RSRC1: variants seen among roughly 807,000 people sequenced by gnomAD.
RSRC1 encodes serine/Arginine-related protein 53.
RSRC1 carries 39 observed loss-of-function variants against 49.1 expected under a neutral mutation model. The observed-to-expected ratio is 0.79, with a 90% CI of 0.61 to 1.04. The LOEUF is 1.04. Ranked by LOEUF, RSRC1 falls within the 50% of genes least tolerant of loss-of-function variation. RSRC1 has a pLI of 0.00. For missense variants in RSRC1, 388 were observed against 402.4 expected (o/e 0.96, Z 0.31); for synonymous variants, 143 against 130.8 (o/e 1.09, Z -0.63).
intron 7 of RSRC1, among the ~76,000 whole-genome samples, chr3:158,510,149 T>C (rs760710311): frequency 5.3e-5 from 8 of 152,222 alleles, no homozygotes; most frequent in Non-Finnish European, 7.3e-5. Context: ...CATAGTGTGA[T>C]GACTATAAAA....
chr3:158,223,355 T>A (rs1379822796), intron 4 of RSRC1, among the ~76,000 whole-genome samples: 3 of 151,840 alleles, frequency 2.0e-5, no homozygotes, highest in African/African-American at 7.2e-5. Flanking sequence ...AGGGCCAGAT[T>A]GTAAATATTT....
At chr3:158,357,698 A>G (rs772778065) in intron 6 of RSRC1, among the ~76,000 whole-genome samples, 1 of 152,202 alleles carries the variant, frequency 6.6e-6, no homozygotes, top group Non-Finnish European at 1.5e-5. Flanking sequence ...TAAGTTTTGC[A>G]GTCCAGCCTA....
chr3:158,252,613 TG>T (rs1200779139), intron 4 of RSRC1, among the ~76,000 whole-genome samples: 2 of 152,234 alleles, frequency 1.3e-5, no homozygotes, highest in African/African-American at 2.4e-5. Context: ...AAAATGGGTT[TG>T]GAAGTATTCC....
intron 4 of RSRC1, among the ~76,000 whole-genome samples, chr3:158,236,415 T>G (rs1442248476): frequency 6.6e-6 from 1 of 152,212 alleles, no homozygotes; most frequent in Non-Finnish European, 1.5e-5. Flanking sequence ...CATTCATTCG[T>G]GTAACCCACA....
intron 3 of RSRC1, among the ~76,000 whole-genome samples, chr3:158,183,607 T>C (rs1001761903): frequency 6.6e-6 from 1 of 152,158 alleles, no homozygotes; most frequent in Non-Finnish European, 1.5e-5. Flanking sequence ...ATTTGTAAGT[T>C]TGAATATGAG....
rs1312675493 is a variant in RSRC1 at position 158,130,191 on chromosome 3, T to C, written c.320+6200T>C. Among the ~76,000 whole-genome samples, 3 of 152,124 alleles carry C rather than the reference T, an allele frequency of 2.0e-5. No homozygotes were observed. The East Asian group carries it at 5.8e-4, about 29-fold the overall frequency. On this transcript the variant is annotated intron_variant, in intron 3 of 9. Transcript: ENST00000611884. ...CATAGAGAGGAAGCAAATTCTCTCT[T>C]GTCTCTTCTTAGAAGGCCATGAATC...
At chr3:158,446,203 C>G (rs1333239067) in intron 6 of RSRC1, among the ~76,000 whole-genome samples, 1 of 152,000 alleles carries the variant, frequency 6.6e-6, no homozygotes, top group African/African-American at 2.4e-5. Context: ...GATTTTCACT[C>G]TCATAGCCTA....
chr3:158,279,152 G>A (rs769573539), intron 4 of RSRC1, among the ~76,000 whole-genome samples: 16 of 152,038 alleles, frequency 1.1e-4, no homozygotes, highest in Admixed American at 2.6e-4. Flanking sequence ...AATTCATAAG[G>A]CCCTTGAAAC....
chr3:158,133,969 T>C (rs889156039), intron 3 of RSRC1, among the ~76,000 whole-genome samples: 1 of 152,116 alleles, frequency 6.6e-6, no homozygotes, highest in African/African-American at 2.4e-5. Flanking sequence ...AAAAGTGGAT[T>C]GAGTGGACAG....
intron 3 of RSRC1, among the ~76,000 whole-genome samples, chr3:158,191,101 A>G (rs1311622810): frequency 2.0e-5 from 3 of 151,810 alleles, no homozygotes; most frequent in Non-Finnish European, 2.9e-5. Flanking sequence ...AGATCCCTGA[A>G]CTTCAGCACC....
At chr3:158,364,312 A>G (rs1731639011) in intron 6 of RSRC1, among the ~76,000 whole-genome samples, 3 of 152,168 alleles carry the variant, frequency 2.0e-5, no homozygotes, top group African/African-American at 7.2e-5. Flanking sequence ...GGCTCCGAGA[A>G]ATAGTACTGA....
At chr3:158,503,796 C>A (rs1739723894) in intron 7 of RSRC1, among the ~76,000 whole-genome samples, 1 of 152,106 alleles carries the variant, frequency 6.6e-6, no homozygotes, top group Non-Finnish European at 1.5e-5. Flanking sequence ...TGAGAACTTG[C>A]CCCAGACTAC....
chr3:158,114,422 AG>A (rs1419163017), intron 1 of RSRC1, among the ~76,000 whole-genome samples: 2 of 152,212 alleles, frequency 1.3e-5, no homozygotes, highest in African/African-American at 4.8e-5. Context: ...GTTTGAAGTC[AG>A]GTAGCATGAT....
intron 7 of RSRC1, among the ~76,000 whole-genome samples, chr3:158,494,660 C>T (rs893500765): frequency 6.6e-6 from 1 of 151,936 alleles, no homozygotes; most frequent in African/African-American, 2.4e-5. Context: ...TTTCTTATAC[C>T]TTTATTCTTT....
At chr3:158,246,403 A>T (rs538935562) in intron 4 of RSRC1, among the ~76,000 whole-genome samples, 1 of 152,052 alleles carries the variant, frequency 6.6e-6, no homozygotes, top group East Asian at 1.9e-4. Flanking sequence ...ATAATAAAAA[A>T]AAAAAGGATA....
In RSRC1 at chr3:158,446,601, TATA is replaced by T. The variant is rs545565567; in HGVS notation, c.584-14328_584-14326del. On this transcript the variant is annotated intron_variant, in intron 6 of 9. Coordinates refer to ENST00000611884, the MANE Select transcript of RSRC1 (RefSeq NM_001271838.2). ...ATTTATTTTTAATCCAGGAAAATTT[TATA>T]ATAATTATTTTCATGATCTTCAACT... Among the ~76,000 whole-genome samples the T allele has an allele frequency of 7.3e-3, 1,104 of 152,210 alleles. 15 individuals carry two copies. Among genetic ancestry groups the T allele is most frequent in the African/African-American group, 0.026 (1,071 of 41,556 alleles).
chr3:158,417,445 T>C (rs1734804739), intron 6 of RSRC1, among the ~76,000 whole-genome samples: 3 of 152,008 alleles, frequency 2.0e-5, no homozygotes, highest in Admixed American at 1.3e-4. Flanking sequence ...GTTTCCTACC[T>C]CTGTGGAAAA....
intron 6 of RSRC1, among the ~76,000 whole-genome samples, chr3:158,451,617 C>A (rs1334330487): frequency 6.6e-6 from 1 of 151,948 alleles, no homozygotes; most frequent in African/African-American, 2.4e-5. Context: ...GTAAATATCC[C>A]CTTTCTATCT....
intron 3 of RSRC1, among the ~76,000 whole-genome samples, chr3:158,195,090 T>C (rs1241557766): frequency 6.6e-6 from 1 of 152,208 alleles, no homozygotes; most frequent in African/African-American, 2.4e-5. Context: ...TCCACCATGG[T>C]TGAACTAGTT....
Sources: allele counts gnomAD v4.1 joint callset (sites outside exome capture counted in the v4.1 genomes callset), GRCh38; gene constraint gnomAD v4.1.1; transcripts MANE v1.5; gene names NCBI Gene and HGNC (gene_info 2026-07-23, HGNC 2026-07-21).